The following EPS15L1 variants were observed in gnomAD, a reference collection of about 807,000 sequenced individuals.
EPS15L1 encodes epidermal growth factor receptor substrate 15-like 1.
EPS15L1 carries 43 observed loss-of-function variants against 117.1 expected under a neutral mutation model. That is an observed-to-expected ratio of 0.37 (90% CI 0.29 to 0.47). The LOEUF (loss-of-function observed/expected upper bound fraction) is 0.47. Among genes scored for constraint, EPS15L1 ranks in the 20% least tolerant of loss-of-function variants. The probability of loss-of-function intolerance (pLI) is 0.99; values close to 1 mark genes in which losing one functional copy is unlikely to be tolerated. For synonymous variants in EPS15L1, 459 were observed against 470.5 expected, an observed-to-expected ratio of 0.98 and a Z score of 0.32; for missense variants, 981 against 1,164.0, an observed-to-expected ratio of 0.84 and a Z score of 2.29.
At position 16,446,224 on chromosome 19, in the gene EPS15L1, C is replaced by T. The variant is rs531951997; in HGVS notation, c.34-4005G>A. ...GAGATGGAGAAACCCAGCAGAACCA[C>T]CTCGGAGGAGAAACTGTCTCAGGAT... On this transcript the variant is annotated intron_variant, in intron 1 of 23. Transcript: ENST00000455140. Among the ~76,000 whole-genome samples the T allele has an allele frequency of 8.1e-4, 123 of 152,286 alleles. 2 individuals are homozygous for T. The South Asian group carries it at 0.025, about 31-fold the overall frequency.
In EPS15L1 at chr19:16,385,338, A is replaced by T. The variant is rs540095451; in HGVS notation, c.2165-127T>A. The T allele has an allele frequency of 4.8e-5, 37 of 767,968 alleles. No homozygotes were observed. The South Asian group carries it at 5.7e-4, about 12-fold the overall frequency. The allele number at this position is 767,968 out of a possible 1,614,324, so 47.6% of individuals were successfully genotyped here. A position where few individuals can be genotyped will look rare whatever the true frequency, so the allele number is the denominator to read the frequency against. On this transcript the variant is annotated intron_variant, in intron 20 of 23. Transcript: ENST00000455140. ...GGAAGGCTGCATTTATTCATTAGAC[A>T]CGTGTGTCTGCATGAAGGCCTCTCA... is the stretch of plus-strand genomic sequence containing the variant.
At chr19:16,415,575 C>T (rs1298053207) in intron 12 of EPS15L1, among the ~76,000 whole-genome samples, 1 of 152,254 alleles carries the variant, frequency 6.6e-6, no homozygotes, top group Admixed American at 6.5e-5. Flanking sequence ...ACCTGACATG[C>T]CCTTGCTGGC....
chr19:16,424,990 A>G, intron 9 of EPS15L1, 93 bp downstream of exon 9: 1 of 1,143,958 alleles, frequency 8.7e-7, no homozygotes, highest in Non-Finnish European at 1.3e-6. Flanking sequence ...ATTTCATCAC[A>G]AGCTTGACCG....
intron 22 of EPS15L1, among the ~76,000 whole-genome samples, chr19:16,362,452 T>C (rs1408861228): frequency 6.6e-6 from 1 of 151,250 alleles, no homozygotes; most frequent in Non-Finnish European, 1.5e-5. Flanking sequence ...GTGGTATGGT[T>C]ATTCGGTGTG....
At chr19:16,392,120 G>A (rs2092482426) in intron 19 of EPS15L1, among the ~76,000 whole-genome samples, 184 bp downstream of exon 19, 1 of 152,128 alleles carries the variant, frequency 6.6e-6, no homozygotes, top group Non-Finnish European at 1.5e-5. Flanking sequence ...CTAGGCCAGT[G>A]AGCTCCCTCA....
chr19:16,418,189 A>G, intron 10 of EPS15L1, 85 bp from the exon 11 acceptor site: 3 of 1,462,208 alleles, frequency 2.1e-6, no homozygotes, highest in Non-Finnish European at 2.8e-6. Flanking sequence ...GCTTTTCAAA[A>G]ACGACAGCGA....
At chr19:16,434,783 C>A in intron 6 of EPS15L1, 1 of 292,896 alleles carries the variant, frequency 3.4e-6, no homozygotes, top group South Asian at 5.5e-5. Context: ...TGGCAGGAGT[C>A]TCCCATGGTG....
intron 1 of EPS15L1, among the ~76,000 whole-genome samples, chr19:16,466,185 A>G (rs1425698107): frequency 6.6e-6 from 1 of 152,082 alleles, no homozygotes; most frequent in African/African-American, 2.4e-5. Flanking sequence ...ACAGGGTTTC[A>G]GCATGTTGGC....
In EPS15L1 at chr19:16,355,842, C is replaced by T. The variant is rs1207097739; in HGVS notation, c.2596G>A (p.Glu866Lys). ...TTGGCCCACGCCAGCTGCTGCTCCT[C>T]ATTGCCAAACTGCAAAGGAAAAACG... Reference protein sequence around the residue: ...GFADFTSFGNEEQQLAWAKRE... With the variant: ...GFADFTSFGNKEQQLAWAKRE... The change falls in exon 24 of 24, where the codon GAG (glutamate) becomes AAG (lysine). Residue 866 changes from glutamate (E) to lysine (K), a missense_variant. By Grantham distance (56) the Glu-to-Lys change is moderately conservative. Coordinates refer to ENST00000455140, the MANE Select transcript of EPS15L1 (RefSeq NM_001258374.3). 2 of 1,535,784 alleles carry T rather than the reference C, an allele frequency of 1.3e-6. No homozygotes were observed. Among genetic ancestry groups the T allele is most frequent in the South Asian group, 2.4e-5 (2 of 84,050 alleles).
At chr19:16,463,724 C>A (rs925935015) in intron 1 of EPS15L1, among the ~76,000 whole-genome samples, 4 of 152,142 alleles carry the variant, frequency 2.6e-5, no homozygotes, top group Admixed American at 2.0e-4. Context: ...TCAATCAACC[C>A]CGCAAAGAGA....
intron 17 of EPS15L1, 76 bp downstream of exon 17, chr19:16,395,268 C>A: frequency 3.1e-6 from 4 of 1,284,386 alleles, no homozygotes; most frequent in Non-Finnish European, 4.3e-6. Context: ...CCTTACTTTT[C>A]TAGTTGAAGA....
chr19:16,457,195 G>A (rs995682183), intron 1 of EPS15L1, among the ~76,000 whole-genome samples: 1 of 152,340 alleles, frequency 6.6e-6, no homozygotes, highest in South Asian at 2.1e-4. Flanking sequence ...GATGTCCCCA[G>A]GGGCATTGAG....
chr19:16,449,753 C>T (rs1284575222), intron 1 of EPS15L1, among the ~76,000 whole-genome samples: 1 of 152,136 alleles, frequency 6.6e-6, no homozygotes, highest in African/African-American at 2.4e-5. Flanking sequence ...CCCCGGATGT[C>T]CTCCAATAAG....
chr19:16,417,215 A>C lies in EPS15L1; in HGVS notation c.1193+337T>G, dbSNP rs371897816. Among the ~76,000 whole-genome samples, 61 of 152,008 alleles carry C rather than the reference A, an allele frequency of 4.0e-4. 2 individuals carry two copies. Among genetic ancestry groups the C allele is most frequent in the African/African-American group, 1.4e-3 (58 of 41,442 alleles). ...ACCTGCCTGGGACCACACAGCTGCC[A>C]CGGGCTCTGCCCACGACCTGCCTGG... On this transcript the variant is annotated intron_variant, in intron 12 of 23. Transcript: ENST00000455140.
intron 13 of EPS15L1, among the ~76,000 whole-genome samples, chr19:16,408,414 A>C (rs1329105989): frequency 6.6e-6 from 1 of 151,328 alleles, no homozygotes. Context: ...ATCTGAGGTC[A>C]GGAGTTTGAG....
chr19:16,415,806 C>T (rs924384651), intron 12 of EPS15L1, among the ~76,000 whole-genome samples: 1 of 152,218 alleles, frequency 6.6e-6, no homozygotes, highest in Non-Finnish European at 1.5e-5. Context: ...CTTCCTAGAC[C>T]CTGACCCTTG....
chr19:16,457,865 G>T (rs536889959), intron 1 of EPS15L1, among the ~76,000 whole-genome samples: 4 of 151,792 alleles, frequency 2.6e-5, no homozygotes, highest in African/African-American at 9.7e-5. Context: ...ACCCAAGACT[G>T]GGGGGGAGGG....
chr19:16,402,298 T>G (rs1199561715), intron 16 of EPS15L1, 23 bp downstream of exon 16: 1 of 1,595,048 alleles, frequency 6.3e-7, no homozygotes, highest in African/African-American at 1.3e-5. Flanking sequence ...CCCCATACTG[T>G]AATACGTTTA....
chr19:16,452,138 CAA>C (rs1278481157), intron 1 of EPS15L1, among the ~76,000 whole-genome samples: 1 of 130,098 alleles, frequency 7.7e-6, no homozygotes. Flanking sequence ...GACTTCGTCT[CAA>C]AAAAAAAAAA....
Sources: gnomAD v4.1 joint callset for allele counts (sites outside exome capture counted in the v4.1 genomes callset) on GRCh38, gnomAD v4.1.1 for gene constraint, MANE v1.5 for transcripts, NCBI Gene and HGNC (gene_info 2026-07-23, HGNC 2026-07-21) for gene names.